EIF3E: variants seen among roughly 807,000 people sequenced by gnomAD.
EIF3E encodes eIF-3 p48.
A neutral mutation model predicts 59.3 loss-of-function variants in EIF3E; 25 were observed. That is an observed-to-expected ratio of 0.42 (90% CI 0.31 to 0.59). EIF3E has a LOEUF of 0.59. Among genes scored for constraint, EIF3E ranks in the 20% least tolerant of loss-of-function variants. EIF3E has a pLI of 0.15. For missense variants in EIF3E, 317 were observed against 534.3 expected, an observed-to-expected ratio of 0.59 and a Z score of 4.01; for synonymous variants, 176 against 170.2, an observed-to-expected ratio of 1.03 and a Z score of -0.26.
At chr8:108,215,128 A>T (rs1213539248) in intron 9 of EIF3E, among the ~76,000 whole-genome samples, 1 of 152,202 alleles carries the variant, frequency 6.6e-6, no homozygotes, top group African/African-American at 2.4e-5. Flanking sequence ...TATTCCACAG[A>T]TGGTGTAATT....
chr8:108,206,275 AG>A (rs1414825736), intron 10 of EIF3E, among the ~76,000 whole-genome samples: 1 of 152,028 alleles, frequency 6.6e-6, no homozygotes, highest in Non-Finnish European at 1.5e-5. Context: ...CAGTGAGCTG[AG>A]ATGGCATCAC....
chr8:108,236,565 C>T (rs1815733708), intron 3 of EIF3E, among the ~76,000 whole-genome samples: 1 of 152,060 alleles, frequency 6.6e-6, no homozygotes, highest in Non-Finnish European at 1.5e-5. Context: ...ATGGTTTTTG[C>T]TCTATGTGGT....
chr8:108,237,033 A>C (rs1815746185), intron 3 of EIF3E, among the ~76,000 whole-genome samples: 1 of 152,128 alleles, frequency 6.6e-6, no homozygotes, highest in East Asian at 1.9e-4. Context: ...AAAAAAAATA[A>C]TAAATAAAAA....
At chr8:108,219,038 G>A (rs1815357363) in intron 7 of EIF3E, among the ~76,000 whole-genome samples, 1 of 152,022 alleles carries the variant, frequency 6.6e-6, no homozygotes, top group Admixed American at 6.6e-5. Flanking sequence ...GCCTGCCTTG[G>A]CCTCCCAAAG....
rs889574253 is a variant in EIF3E at position 108,224,182 on chromosome 8, A to G, written c.722+4085T>C. 7.3e-5 allele frequency among the ~76,000 whole-genome samples: 11 copies of G among 151,364 alleles called. 2 individuals carry two copies. Among genetic ancestry groups the G allele is most frequent in the Admixed American group, 2.6e-4 (4 of 15,232 alleles). On this transcript the variant is annotated intron_variant, in intron 7 of 12. Coordinates refer to ENST00000220849, the MANE Select transcript of EIF3E (RefSeq NM_001568.3). ...GCTTGAAGTGAGCCGAGATTGCGCC[A>G]CTGCACTTCAGCCTGGGCGACAGAG...
chr8:108,205,138 C>T (rs1020422648), intron 10 of EIF3E, among the ~76,000 whole-genome samples: 2 of 152,030 alleles, frequency 1.3e-5, no homozygotes, highest in African/African-American at 2.4e-5. Context: ...CCCTCATAAG[C>T]CTTCTAAGAC....
chr8:108,245,633 G>T (rs1815934228), intron 1 of EIF3E, among the ~76,000 whole-genome samples: 3 of 152,208 alleles, frequency 2.0e-5, no homozygotes, highest in Admixed American at 2.0e-4. Context: ...TGACTGCACA[G>T]AGGTATTAAA....
chr8:108,214,943 T>C (rs1241838466), intron 9 of EIF3E, among the ~76,000 whole-genome samples: 1 of 152,224 alleles, frequency 6.6e-6, no homozygotes, highest in Non-Finnish European at 1.5e-5. Context: ...TTTAATAAAG[T>C]AGCCTTCTGA....
chr8:108,242,402 TC>T lies in EIF3E; in HGVS notation c.91-490del. ...GATCAGGCTTTTGCTTTGCAAAGGA[TC>T]CAAAAAAGCATAATTTAACCTATAG... On this transcript the variant is annotated intron_variant, in intron 1 of 12. Coordinates refer to ENST00000220849, the MANE Select transcript of EIF3E (RefSeq NM_001568.3). The T allele has an allele frequency of 3.9e-6, 5 of 1,289,112 alleles. No homozygotes were observed. In the South Asian group the frequency reaches 6.2e-5, roughly 16 times the overall value. 79.9% of individuals were successfully genotyped at this position (1,289,112 alleles called of 1,614,324 possible).
chr8:108,239,637 C>A (rs1815799665), intron 3 of EIF3E, among the ~76,000 whole-genome samples: 1 of 152,124 alleles, frequency 6.6e-6, no homozygotes, highest in Non-Finnish European at 1.5e-5. Context: ...TAGCACCCCT[C>A]CAGTTATGAC....
chr8:108,206,853 A>G (rs1233479140), intron 10 of EIF3E, among the ~76,000 whole-genome samples: 1 of 152,112 alleles, frequency 6.6e-6, no homozygotes, highest in Non-Finnish European at 1.5e-5. Flanking sequence ...AGAATTCTCT[A>G]TCCCTCTCTC....
chr8:108,209,507 A>G (rs1203353545), intron 10 of EIF3E, among the ~76,000 whole-genome samples: 1 of 152,072 alleles, frequency 6.6e-6, no homozygotes, highest in Admixed American at 6.6e-5. Flanking sequence ...ATAATTTGTA[A>G]CTTTATATTT....
intron 7 of EIF3E, among the ~76,000 whole-genome samples, chr8:108,217,918 G>A (rs1815334035): frequency 6.6e-6 from 1 of 152,122 alleles, no homozygotes; most frequent in South Asian, 2.1e-4. Context: ...AACGGGGAAG[G>A]AATATTACAA....
intron 4 of EIF3E, 143 bp from the exon 5 acceptor site, chr8:108,235,245 G>T: frequency 4.1e-6 from 2 of 482,330 alleles, no homozygotes; most frequent in Non-Finnish European, 7.2e-6. Flanking sequence ...ATGTATCTCT[G>T]ATTATGGTAT....
chr8:108,222,796 A>G (rs1329342761), intron 7 of EIF3E, among the ~76,000 whole-genome samples: 3 of 147,350 alleles, frequency 2.0e-5, no homozygotes, highest in Non-Finnish European at 4.5e-5. Context: ...AGCAGGCTAT[A>G]CTTCTCATAG....
chr8:108,240,140 G>C, intron 2 of EIF3E, 65 bp from the exon 3 acceptor site: 1 of 1,308,536 alleles, frequency 7.6e-7, no homozygotes, highest in Non-Finnish European at 1.1e-6. Context: ...CTCATCATGA[G>C]AATGTCTGGA....
At chr8:108,225,041 T>TA (rs1483516813) in intron 7 of EIF3E, among the ~76,000 whole-genome samples, 1 of 151,654 alleles carries the variant, frequency 6.6e-6, no homozygotes, top group Non-Finnish European at 1.5e-5. Context: ...TTCTGCTGTA[T>TA]ACACACTTCA....
chr8:108,235,456 G>A (rs907392557), intron 4 of EIF3E, among the ~76,000 whole-genome samples: 14 of 152,170 alleles, frequency 9.2e-5, no homozygotes, highest in Admixed American at 2.6e-4. Flanking sequence ...AATAGGGTTC[G>A]TGCTCCTATG....
intron 7 of EIF3E, among the ~76,000 whole-genome samples, chr8:108,224,189 T>G (rs1422926908): frequency 6.6e-6 from 1 of 151,264 alleles, no homozygotes; most frequent in Non-Finnish European, 1.5e-5. Context: ...GCCACTGCAC[T>G]TCAGCCTGGG....
Sources: allele counts gnomAD v4.1 joint callset (sites outside exome capture counted in the v4.1 genomes callset), GRCh38; gene constraint gnomAD v4.1.1; transcripts MANE v1.5; gene names NCBI Gene and HGNC (gene_info 2026-07-23, HGNC 2026-07-21).